APBA1: variants seen among roughly 807,000 people sequenced by gnomAD.
APBA1 encodes amyloid-beta A4 precursor protein-binding family A member 1.
APBA1 carries 55 observed loss-of-function variants against 86.6 expected under a neutral mutation model. The ratio of observed to expected loss-of-function variants is 0.64; its 90% CI spans 0.51 to 0.80. The LOEUF (loss-of-function observed/expected upper bound fraction) is 0.80, where lower values mean the gene tolerates loss of function less well. Among genes scored for constraint, APBA1 ranks in the 30% least tolerant of loss-of-function variants. The probability of loss-of-function intolerance (pLI) is 0.00; values close to 1 mark genes in which losing one functional copy is unlikely to be tolerated. For missense variants in APBA1, 1,090 were observed against 1,183.0 expected (o/e 0.92, Z 1.15); for synonymous variants, 511 against 493.9 (o/e 1.03, Z -0.46).
intron 2 of APBA1, among the ~76,000 whole-genome samples, chr9:69,476,777 C>T (rs986536608): frequency 2.0e-5 from 3 of 152,140 alleles, no homozygotes; most frequent in East Asian, 1.9e-4. Flanking sequence ...AACGGTGTAT[C>T]GGAAAATAAG....
In APBA1 at chr9:69,658,282, T is replaced by TC. The variant is rs1823665826; in HGVS notation, c.-70+13870_-70+13871insG. Among the ~76,000 whole-genome samples, 72 of 39,786 alleles carry TC rather than the reference T, an allele frequency of 1.8e-3. 3 individuals carry two copies. Among genetic ancestry groups the TC allele is most frequent in the Non-Finnish European group, 2.4e-3 (39 of 16,006 alleles). 26.1% of individuals were successfully genotyped at this position (39,786 alleles called of 152,430 possible). ...TTTCTTTCTTTCTTTCTTTCTTTCT[T>TC]TCTCTCTCTCTTTCTCTCTCTCTCT... On this transcript the variant is annotated intron_variant, in intron 1 of 12. Coordinates refer to ENST00000265381, the MANE Select transcript of APBA1 (RefSeq NM_001163.4).
At chr9:69,671,891 C>T (rs1181413377) in intron 1 of APBA1, among the ~76,000 whole-genome samples, 8 of 152,224 alleles carry the variant, frequency 5.3e-5, no homozygotes, top group Admixed American at 5.2e-4. Flanking sequence ...ATCAGGCCCG[C>T]CTGCTGCGCC....
intron 12 of APBA1, 136 bp from the exon 13 acceptor site, chr9:69,431,534 C>A (rs1248271961): frequency 2.9e-6 from 2 of 692,008 alleles, no homozygotes; most frequent in East Asian, 6.1e-5. Flanking sequence ...CCAGCCACCA[C>A]CAGGGACCTG....
intron 1 of APBA1, among the ~76,000 whole-genome samples, chr9:69,582,912 A>C (rs1300492183): frequency 6.6e-6 from 1 of 152,220 alleles, no homozygotes; most frequent in Admixed American, 6.5e-5. Context: ...GAAACAAATG[A>C]ATGAAGAAAA....
chr9:69,648,862 C>G (rs1347336367), intron 1 of APBA1, among the ~76,000 whole-genome samples: 1 of 152,166 alleles, frequency 6.6e-6, no homozygotes, highest in East Asian at 1.9e-4. Context: ...CTCCATTCCT[C>G]CCTGCAGGTC....
intron 3 of APBA1, among the ~76,000 whole-genome samples, 164 bp from the exon 4 acceptor site, chr9:69,471,859 T>C (rs1351122706): frequency 6.6e-6 from 1 of 152,234 alleles, no homozygotes; most frequent in Non-Finnish European, 1.5e-5. Flanking sequence ...CATGCATTTA[T>C]TAGTAAAGGT....
chr9:69,643,511 C>T (rs1009178511), intron 1 of APBA1, among the ~76,000 whole-genome samples: 1 of 152,188 alleles, frequency 6.6e-6, no homozygotes, highest in African/African-American at 2.4e-5. Flanking sequence ...CTCATGGACC[C>T]ATGGGCTCTC....
At chr9:69,564,914 A>C (rs1024419993) in intron 1 of APBA1, among the ~76,000 whole-genome samples, 2 of 152,170 alleles carry the variant, frequency 1.3e-5, no homozygotes, top group Non-Finnish European at 2.9e-5. Flanking sequence ...AGTAGAAACG[A>C]CCCAAATGGG....
intron 1 of APBA1, among the ~76,000 whole-genome samples, chr9:69,524,591 A>C (rs1046288603): frequency 1.3e-4 from 19 of 151,908 alleles, no homozygotes; most frequent in African/African-American, 4.3e-4. Flanking sequence ...ACAAAAAAAA[A>C]CAAAAACCTA....
intron 1 of APBA1, among the ~76,000 whole-genome samples, chr9:69,591,983 G>C (rs962091624): frequency 6.6e-6 from 1 of 152,148 alleles, no homozygotes; most frequent in African/African-American, 2.4e-5. Context: ...CAACAAACCA[G>C]GTCTTCAAGA....
chr9:69,537,575 G>A (rs1469081057), intron 1 of APBA1, among the ~76,000 whole-genome samples: 5 of 152,084 alleles, frequency 3.3e-5, no homozygotes, highest in African/African-American at 1.2e-4. Flanking sequence ...GGGTCGGGGA[G>A]AGAAGTCAGG....
chr9:69,465,021 G>C (rs984168751), intron 5 of APBA1: 2 of 152,238 alleles, frequency 1.3e-5, no homozygotes, highest in African/African-American at 4.8e-5. Context: ...TACTCCTTTG[G>C]GGGCAGACTG....
intron 1 of APBA1, among the ~76,000 whole-genome samples, chr9:69,589,362 C>T (rs186438264): frequency 6.6e-6 from 1 of 152,266 alleles, no homozygotes; most frequent in East Asian, 1.9e-4. Context: ...GACCAAATGA[C>T]GTGATGCTAG....
At chr9:69,475,935 C>G in intron 3 of APBA1, 113 bp downstream of exon 3, 1 of 830,596 alleles carries the variant, frequency 1.2e-6, no homozygotes, top group Non-Finnish European at 2.0e-6. Context: ...GGATTGTTCT[C>G]ACCAGGGTAA....
intron 8 of APBA1, among the ~76,000 whole-genome samples, chr9:69,453,772 G>T (rs1294419806): frequency 1.3e-5 from 2 of 152,244 alleles, no homozygotes; most frequent in Non-Finnish European, 2.9e-5. Context: ...GGCAAAATCT[G>T]TAAGATTCAT....
At chr9:69,439,588 G>A (rs1834770615) in intron 11 of APBA1, among the ~76,000 whole-genome samples, 1 of 152,092 alleles carries the variant, frequency 6.6e-6, no homozygotes, top group African/African-American at 2.4e-5. Flanking sequence ...CGGTTACTGA[G>A]GCTTGTGCAT....
intron 1 of APBA1, among the ~76,000 whole-genome samples, chr9:69,647,274 C>T (rs1164080393): frequency 6.6e-6 from 1 of 152,196 alleles, no homozygotes; most frequent in Non-Finnish European, 1.5e-5. Flanking sequence ...TAACCTTTTC[C>T]TTCACAAAAT....
intron 1 of APBA1, among the ~76,000 whole-genome samples, chr9:69,575,312 C>T (rs1050881033): frequency 3.3e-5 from 5 of 152,166 alleles, no homozygotes; most frequent in African/African-American, 1.2e-4. Flanking sequence ...ATGCCATCCC[C>T]ATCAAGCTAC....
chr9:69,598,490 C>A (rs185814385), intron 1 of APBA1, among the ~76,000 whole-genome samples: 1 of 151,918 alleles, frequency 6.6e-6, no homozygotes, highest in East Asian at 1.9e-4. Flanking sequence ...CAGCACACCT[C>A]ACTCCAGGTG....
Sources: allele counts gnomAD v4.1 joint callset (sites outside exome capture counted in the v4.1 genomes callset), GRCh38; gene constraint gnomAD v4.1.1; transcripts MANE v1.5; gene names NCBI Gene and HGNC (gene_info 2026-07-23, HGNC 2026-07-21).